Variants in SUGCT observed in about 807,000 individuals in gnomAD.
The protein encoded by SUGCT is succinyl-CoA:glutarate-CoA transferase.
A neutral mutation model predicts 55.0 loss-of-function variants in SUGCT; 41 were observed. The ratio of observed to expected loss-of-function variants is 0.74; its 90% confidence interval spans 0.58 to 0.97. SUGCT has a LOEUF of 0.97. SUGCT is among the 50% of genes least tolerant of loss of function. The pLI, the probability that SUGCT is intolerant of heterozygous loss-of-function variation, is 0.00. For missense variants in SUGCT, 568 were observed against 547.8 expected, an observed-to-expected ratio of 1.04 and a Z score of -0.37; for synonymous variants, 187 against 200.4, an observed-to-expected ratio of 0.93 and a Z score of 0.56.
intron 13 of SUGCT, among the ~76,000 whole-genome samples, chr7:40,824,125 C>T (rs536374066): frequency 6.6e-6 from 1 of 151,892 alleles, no homozygotes; most frequent in South Asian, 2.1e-4. Flanking sequence ...CCCTTTCTCT[C>T]ATTCAGGTTC....
the SUGCT span, among the ~76,000 whole-genome samples, chr7:41,036,617 T>C: frequency 1.3e-5 from 2 of 152,188 alleles, no homozygotes; most frequent in South Asian, 4.1e-4. Flanking sequence ...AGGACTCTAC[T>C]GGGATGGTGC....
chr7:40,575,382 T>G (rs959350036), intron 12 of SUGCT, among the ~76,000 whole-genome samples: 1 of 152,180 alleles, frequency 6.6e-6, no homozygotes, highest in Admixed American at 6.5e-5. Context: ...AGATAGTTCC[T>G]AATTATCCCA....
the SUGCT span, among the ~76,000 whole-genome samples, chr7:40,951,890 T>G: frequency 8.5e-4 from 129 of 152,272 alleles, 3 homozygotes; most frequent in South Asian, 0.015. Context: ...GTCAATTTTG[T>G]AATAAGTGCG....
At chr7:40,985,037 C>T in the SUGCT span, among the ~76,000 whole-genome samples, 1 of 152,176 alleles carries the variant, frequency 6.6e-6, no homozygotes, top group African/African-American at 2.4e-5. Flanking sequence ...ACCATTTTTA[C>T]GTGGACAGGC....
chr7:40,830,143 G>A (rs1238718888), intron 13 of SUGCT, among the ~76,000 whole-genome samples: 1 of 151,950 alleles, frequency 6.6e-6, no homozygotes, highest in African/African-American at 2.4e-5. Flanking sequence ...ACCACCCCAG[G>A]CCCAGAGCCT....
rs544235195 is a variant in SUGCT, at chr7:40,330,496, C to T, written c.816+13641C>T. On this transcript the variant is annotated intron_variant, in intron 9 of 13. Transcript: ENST00000335693. ...TAGAAGATCCGATTTTTTTTTTTGC[C>T]GGATGCCTAGCTTGAGAAAAGTTAG... Among the ~76,000 whole-genome samples the T allele has an allele frequency of 9.1e-4, 137 of 150,784 alleles. 1 individual carries two copies. Among genetic ancestry groups the T allele is most frequent in the African/African-American group, 3.1e-3 (128 of 40,984 alleles).
chr7:40,311,664 T>G (rs1438461228), intron 8 of SUGCT, among the ~76,000 whole-genome samples: 1 of 152,258 alleles, frequency 6.6e-6, no homozygotes, highest in East Asian at 1.9e-4. Flanking sequence ...ATCTTCCATC[T>G]TCTTTCCCCA....
intron 3 of SUGCT, among the ~76,000 whole-genome samples, chr7:40,182,885 G>A (rs543379552): frequency 2.4e-4 from 37 of 152,220 alleles, no homozygotes; most frequent in African/African-American, 8.9e-4. Context: ...CTCCCTCACC[G>A]TGGAATCAAG....
intron 12 of SUGCT, among the ~76,000 whole-genome samples, chr7:40,557,228 A>G (rs1296732329): frequency 1.3e-5 from 2 of 152,210 alleles, no homozygotes; most frequent in Non-Finnish European, 2.9e-5. Context: ...AGGTGCCAAG[A>G]CTATTCAATG....
At chr7:40,452,116 G>C (rs746877906) in intron 10 of SUGCT, among the ~76,000 whole-genome samples, 3 of 152,222 alleles carry the variant, frequency 2.0e-5, no homozygotes, top group Non-Finnish European at 4.4e-5. Flanking sequence ...AGCTATATTA[G>C]TGAGCTTTCA....
At chr7:41,003,398 T>G in the SUGCT span, among the ~76,000 whole-genome samples, 3 of 152,158 alleles carry the variant, frequency 2.0e-5, no homozygotes, top group South Asian at 6.2e-4. Flanking sequence ...AAGCATATAT[T>G]TGGGTAAGCA....
At chr7:40,449,916 A>G (rs983270232) in intron 10 of SUGCT, among the ~76,000 whole-genome samples, 26 of 152,208 alleles carry the variant, frequency 1.7e-4, no homozygotes, top group South Asian at 2.1e-4. Context: ...AAGGCCTTAA[A>G]ATAAAGACCT....
chr7:40,804,468 CCACACCT>C (rs1467331711), intron 13 of SUGCT, among the ~76,000 whole-genome samples: 1 of 151,996 alleles, frequency 6.6e-6, no homozygotes, highest in Non-Finnish European at 1.5e-5. Context: ...CATGGGGATG[CCACACCT>C]CATCCTGCAT....
At chr7:40,837,406 T>G (rs1362846192) in intron 13 of SUGCT, among the ~76,000 whole-genome samples, 1 of 152,162 alleles carries the variant, frequency 6.6e-6, no homozygotes, top group Non-Finnish European at 1.5e-5. Context: ...AACATGATCT[T>G]TCACAGAACA....
intron 10 of SUGCT, 85 bp downstream of exon 10, chr7:40,449,443 GC>G: frequency 1.1e-6 from 1 of 933,508 alleles, no homozygotes; most frequent in East Asian, 2.5e-5. Context: ...ACCAACTTAG[GC>G]CCCCTGTGTT....
At chr7:40,875,369 T>C in the SUGCT span, among the ~76,000 whole-genome samples, 2 of 152,214 alleles carry the variant, frequency 1.3e-5, no homozygotes, top group Non-Finnish European at 2.9e-5. Flanking sequence ...CCATATTGTC[T>C]AAAGTTCAAA....
chr7:40,446,191 T>C (rs565438074), intron 9 of SUGCT, among the ~76,000 whole-genome samples: 1 of 152,278 alleles, frequency 6.6e-6, no homozygotes, highest in South Asian at 2.1e-4. Flanking sequence ...GGGAAAAATA[T>C]GCATTTCTTT....
intron 6 of SUGCT, among the ~76,000 whole-genome samples, chr7:40,222,248 A>G (rs140193035): frequency 1.1e-3 from 167 of 152,346 alleles, no homozygotes; most frequent in Non-Finnish European, 1.9e-3. Flanking sequence ...GGAAGAACCT[A>G]TTACAATGCC....
At chr7:40,423,115 G>A (rs2151374927) in intron 9 of SUGCT, among the ~76,000 whole-genome samples, 1 of 152,218 alleles carries the variant, frequency 6.6e-6, no homozygotes, top group South Asian at 2.1e-4. Context: ...TCAGTTGGCA[G>A]AACTGACAGC....
Sources: allele counts gnomAD v4.1 joint callset (sites outside exome capture counted in the v4.1 genomes callset), GRCh38; gene constraint gnomAD v4.1.1; transcripts MANE v1.5; gene names NCBI Gene and HGNC (gene_info 2026-07-23, HGNC 2026-07-21).